Variants in COPB1 observed in about 807,000 individuals in gnomAD.
COPB1 encodes the protein coatomer subunit beta.
COPB1 carries 21 observed loss-of-function variants against 108.7 expected under a neutral mutation model. That is an observed-to-expected ratio of 0.19 (90% CI 0.14 to 0.28). COPB1 has a LOEUF of 0.28. Ranked by LOEUF, COPB1 falls within the 10% of genes least tolerant of loss-of-function variation. COPB1 has a pLI of 1.00. For synonymous variants in COPB1, 378 were observed against 386.8 expected (o/e 0.98, Z 0.27); for missense variants, 919 against 1,141.3 (o/e 0.81, Z 2.81).
In COPB1 at chr11:14,476,953, C is replaced by T. The variant is rs199808068; in HGVS notation, c.1421G>A (p.Ser474Asn). 2.3e-5 allele frequency: 37 copies of T among 1,612,742 alleles called. No individual in the cohort carries two copies. The African/African-American group carries it at 4.5e-4, about 20-fold the overall frequency. The change falls in exon 12 of 22, where the codon AGT becomes AAT. Residue 474 changes from serine to asparagine, a missense_variant. By Grantham distance (46) the Ser-to-Asn change is conservative. Around this residue, in one of 5 missense-constraint regions of COPB1, gnomAD observed 705 missense variants for 817.8 expected, o/e 0.86. Coordinates refer to ENST00000439561, the MANE Select transcript of COPB1 (RefSeq NM_001144061.2). The stretch of plus-strand genomic sequence containing the variant: ...GGACCTGCGGATCTCAGTCATCACA[C>T]TCTGAATGTCTTCCTTGGTACTACA... ...EYCSTKEDIQ[S>N]VMTEIRRSLG...
intron 14 of COPB1, among the ~76,000 whole-genome samples, chr11:14,471,104 AT>A (rs1254298852): frequency 6.6e-6 from 1 of 152,224 alleles, no homozygotes; most frequent in Non-Finnish European, 1.5e-5. Context: ...GTACAAAAAA[AT>A]AGGCTTTTTC....
intron 13 of COPB1, among the ~76,000 whole-genome samples, chr11:14,475,292 T>C (rs763040009): frequency 1.3e-5 from 2 of 152,114 alleles, no homozygotes; most frequent in African/African-American, 4.8e-5. Context: ...ATATATTCTA[T>C]CTCAAAGGCT....
intron 1 of COPB1, among the ~76,000 whole-genome samples, chr11:14,499,368 T>C (rs1321636906): frequency 2.0e-5 from 3 of 152,186 alleles, no homozygotes; most frequent in Non-Finnish European, 4.4e-5. Context: ...TCGCGGTCCT[T>C]GGTGGGTTCC....
intron 8 of COPB1, among the ~76,000 whole-genome samples, 188 bp downstream of exon 8, chr11:14,482,844 A>G (rs1324652645): frequency 6.6e-6 from 1 of 152,178 alleles, no homozygotes; most frequent in Admixed American, 6.5e-5. Context: ...CCATTTTAGA[A>G]ATATTTTTTG....
chr11:14,481,393 G>GT (rs536276877), intron 8 of COPB1, among the ~76,000 whole-genome samples: 39 of 152,282 alleles, frequency 2.6e-4, no homozygotes, highest in African/African-American at 9.4e-4. Context: ...GCTAAACAAC[G>GT]TAAGAAAGTA....
At chr11:14,474,717 T>A in intron 13 of COPB1, 102 bp from the exon 14 acceptor site, 1 of 1,467,518 alleles carries the variant, frequency 6.8e-7, no homozygotes, top group Non-Finnish European at 9.1e-7. Flanking sequence ...CTTATTACCA[T>A]CCTTCAGTGA....
At chr11:14,465,419 A>C (rs1306937476) in intron 17 of COPB1, among the ~76,000 whole-genome samples, 1 of 152,062 alleles carries the variant, frequency 6.6e-6, no homozygotes, top group Non-Finnish European at 1.5e-5. Context: ...TACAGCCCTG[A>C]TCTTCCAGGC....
chr11:14,485,809 C>T (rs912151628), intron 7 of COPB1, among the ~76,000 whole-genome samples: 1 of 152,124 alleles, frequency 6.6e-6, no homozygotes, highest in Non-Finnish European at 1.5e-5. Flanking sequence ...GATTGCCTCA[C>T]TCCAGCCTGG....
In COPB1 at chr11:14,468,749, A is replaced by C. The variant is rs1227255957; in HGVS notation, c.2077T>G (p.Leu693Val). 6.2e-7 allele frequency: 1 copy of C among 1,614,164 alleles called. No individual in the cohort carries two copies. Among genetic ancestry groups the C allele is most frequent in the Non-Finnish European group, 8.5e-7 (1 of 1,180,016 alleles). ...NCKEDQFQLS[L>V]LAAMGNTQRK... ...TGTGTGTTACCCATTGCTGCCAGTAAACTCAGCTGAAACTGATCTTCCTTG... is the reference window on the plus strand; with the variant it reads ...TGTGTGTTACCCATTGCTGCCAGTACACTCAGCTGAAACTGATCTTCCTTG... Residue 693 changes from leucine to valine, a missense_variant, in exon 16 of 22, where the codon TTA becomes GTA. Physicochemically the swap from Leu to Val is conservative, Grantham distance 32. Coordinates refer to ENST00000439561, the MANE Select transcript of COPB1 (RefSeq NM_001144061.2).
At chr11:14,469,068 C>T (rs1186737440) in intron 15 of COPB1, among the ~76,000 whole-genome samples, 1 of 152,122 alleles carries the variant, frequency 6.6e-6, no homozygotes, top group Non-Finnish European at 1.5e-5. Flanking sequence ...GATCACAGCT[C>T]ACTGCAGCCT....
intron 7 of COPB1, 51 bp downstream of exon 7, chr11:14,486,316 T>C: frequency 6.2e-7 from 1 of 1,608,278 alleles, no homozygotes. Flanking sequence ...TCATGAGTGC[T>C]AAGACAGAAA....
chr11:14,482,344 A>T (rs948182952), intron 8 of COPB1, among the ~76,000 whole-genome samples: 1 of 152,152 alleles, frequency 6.6e-6, no homozygotes, highest in Non-Finnish European at 1.5e-5. Flanking sequence ...AACCATTATT[A>T]TTCTCATGGA....
intron 2 of COPB1, among the ~76,000 whole-genome samples, chr11:14,495,908 C>A (rs927847649): frequency 2.6e-5 from 4 of 152,092 alleles, no homozygotes; most frequent in Non-Finnish European, 5.9e-5. Context: ...AACTATCCTA[C>A]ATGAACATGA....
At chr11:14,488,944 T>C (rs1259814459) in intron 5 of COPB1, among the ~76,000 whole-genome samples, 11 of 152,304 alleles carry the variant, frequency 7.2e-5, no homozygotes, top group African/African-American at 2.4e-4. Flanking sequence ...CTATGTGTCC[T>C]CATATATTGG....
At chr11:14,467,121 A>G (rs1275568400) in intron 16 of COPB1, among the ~76,000 whole-genome samples, 3 of 152,176 alleles carry the variant, frequency 2.0e-5, no homozygotes, top group Admixed American at 1.3e-4. Flanking sequence ...AATGGAAGAA[A>G]ATATTTGCAA....
chr11:14,478,456 AC>A (rs1407356603), intron 11 of COPB1, among the ~76,000 whole-genome samples: 1 of 97,492 alleles, frequency 1.0e-5, no homozygotes, highest in Admixed American at 1.3e-4. Flanking sequence ...AAAAACAAAA[AC>A]AAAAAATCAG....
At chr11:14,482,519 A>G (rs1449100022) in intron 8 of COPB1, among the ~76,000 whole-genome samples, 1 of 152,144 alleles carries the variant, frequency 6.6e-6, no homozygotes. Context: ...AAAATATAAT[A>G]CTGATTCACT....
chr11:14,479,850 C>G, intron 10 of COPB1, 136 bp from the exon 11 acceptor site: 1 of 861,708 alleles, frequency 1.2e-6, no homozygotes, highest in Non-Finnish European at 1.7e-6. Flanking sequence ...GCTGCCCAGG[C>G]TAGAGAATAG....
intron 16 of COPB1, among the ~76,000 whole-genome samples, chr11:14,466,681 A>T (rs1039981689): frequency 6.6e-6 from 1 of 152,202 alleles, no homozygotes; most frequent in Non-Finnish European, 1.5e-5. Context: ...ATACATGTTG[A>T]TTTTTGAGCT....
Sources: gnomAD v4.1 joint callset for allele counts (sites outside exome capture counted in the v4.1 genomes callset) on GRCh38, gnomAD v4.1.1 for gene constraint, gnomAD v4.1.1 regional missense constraint, MANE v1.5 for transcripts, NCBI Gene and HGNC (gene_info 2026-07-23, HGNC 2026-07-21) for gene names.